Variants in LAMB4 observed in about 807,000 individuals in gnomAD.
The protein encoded by LAMB4 is laminin subunit beta 4.
In LAMB4, 196 loss-of-function variants were observed where a neutral mutation model predicts 199.2. The observed-to-expected ratio is 0.98, with a 90% CI of 0.88 to 1.11. LAMB4 has a LOEUF of 1.11. Ranked by LOEUF, LAMB4 falls within the 50% of genes least tolerant of loss-of-function variation. The probability of loss-of-function intolerance (pLI) is 0.00; values close to 1 mark genes in which losing one functional copy is unlikely to be tolerated. For missense variants in LAMB4, 2,080 were observed against 2,171.2 expected (o/e 0.96, Z 0.83); for synonymous variants, 744 against 770.6 (o/e 0.97, Z 0.57).
intron 11 of LAMB4, among the ~76,000 whole-genome samples, chr7:108,097,601 C>T (rs1039667833): frequency 2.0e-5 from 3 of 152,112 alleles, no homozygotes; most frequent in Admixed American, 6.5e-5. Flanking sequence ...TTGGCTAACA[C>T]GGTGAAACCC....
At chr7:108,096,663 G>A (rs1033647822) in intron 11 of LAMB4, among the ~76,000 whole-genome samples, 3 of 151,672 alleles carry the variant, frequency 2.0e-5, no homozygotes, top group African/African-American at 7.3e-5. Context: ...TGGGCACAGT[G>A]GCTTATGTCT....
rs375991219 is a variant in LAMB4 at position 108,055,871 on chromosome 7, A to T, written c.3516T>A (p.Cys1172Ter). 3.1e-6 allele frequency: 5 copies of T among 1,614,046 alleles called. No homozygotes were observed. Among genetic ancestry groups the T allele is most frequent in the Non-Finnish European group, 4.2e-6 (5 of 1,180,042 alleles). ...ARGHSQEFPTCLQCHLCFDQW... is the reference protein window; with the variant it reads ...ARGHSQEFPT The stretch of plus-strand genomic sequence containing the variant: ...GATCAAAGCACAAGTGACATTGAAG[A>T]CAAGTAGGGAATTCCTGGCTGTGTC... Residue 1172 changes from cysteine (C) to a stop codon, truncating the protein, a stop_gained, in exon 25 of 34, where the codon TGT (cysteine) becomes TGA (stop). Coordinates refer to ENST00000388781, the MANE Select transcript of LAMB4 (RefSeq NM_007356.3). LOFTEE classifies it high-confidence loss of function.
chr7:108,038,506 T>C (rs1484848007), intron 29 of LAMB4, among the ~76,000 whole-genome samples: 1 of 152,168 alleles, frequency 6.6e-6, no homozygotes, highest in Non-Finnish European at 1.5e-5. Flanking sequence ...GAAAAGTAAA[T>C]TTGGCCCCTA....
At chr7:108,071,366 T>C (rs1182445685) in intron 17 of LAMB4, among the ~76,000 whole-genome samples, 3 of 152,144 alleles carry the variant, frequency 2.0e-5, no homozygotes, top group African/African-American at 7.2e-5. Context: ...ACTCCACACC[T>C]ACTTCCTAGG....
chr7:108,046,890 C>G (rs897792158), intron 28 of LAMB4, among the ~76,000 whole-genome samples: 1 of 150,916 alleles, frequency 6.6e-6, no homozygotes, highest in Non-Finnish European at 1.5e-5. Context: ...AGTTTTCAAC[C>G]CTTTTAAAAA....
rs1212093899 is a variant in LAMB4 at position 108,116,001 on chromosome 7, C to T, written c.192+3G>A. 2 of 1,608,566 alleles carry T rather than the reference C, an allele frequency of 1.2e-6. No individual in the cohort carries two copies. The highest frequency in any genetic ancestry group is 2.2e-5 in the South Asian group (2 of 90,350). On this transcript the variant is annotated splice_donor_region_variant and intron_variant, in intron 3 of 33. Transcript: ENST00000388781. ...CCAGCAAATAAACAAAGAGCCAACC[C>T]ACCTCCAGGTAACTGAGGATGCAGT...
At chr7:108,027,244 T>TA (rs71137603) in intron 33 of LAMB4, among the ~76,000 whole-genome samples, 5,997 of 150,318 alleles carry the variant, frequency 0.04, 191 homozygotes, top group Admixed American at 0.068. Flanking sequence ...AATGCAAGAT[T>TA]AAAAAAAAAA....
chr7:108,066,251 A>G (rs1055834174), intron 20 of LAMB4, 118 bp downstream of exon 20: 11 of 769,728 alleles, frequency 1.4e-5, no homozygotes, highest in Non-Finnish European at 1.9e-5. Flanking sequence ...TCCCCGACCT[A>G]TAACAGTCCT....
chr7:108,012,313 A>G, the LAMB4 span, among the ~76,000 whole-genome samples: 2 of 152,232 alleles, frequency 1.3e-5, no homozygotes, highest in African/African-American at 4.8e-5. Flanking sequence ...AGCAAATGAT[A>G]ACAGGAGGTA....
At chr7:108,024,488 A>G (rs1563023865) in intron 33 of LAMB4, among the ~76,000 whole-genome samples, 2 of 152,350 alleles carry the variant, frequency 1.3e-5, no homozygotes, top group South Asian at 2.1e-4. Flanking sequence ...CTGAAGTGCT[A>G]TATTTCCAAA....
intron 23 of LAMB4, among the ~76,000 whole-genome samples, chr7:108,060,693 C>A (rs1351904071): frequency 6.6e-6 from 1 of 152,130 alleles, no homozygotes; most frequent in Admixed American, 6.5e-5. Context: ...ATTTGAACCA[C>A]AAAATAAAGT....
chr7:108,020,657 ACCT>A (rs963913160), downstream of LAMB4, among the ~76,000 whole-genome samples: 2 of 152,056 alleles, frequency 1.3e-5, no homozygotes, highest in African/African-American at 4.8e-5. Flanking sequence ...AGCTGATGGA[ACCT>A]CCTATAGGCA....
chr7:108,039,353 T>G, intron 29 of LAMB4, among the ~76,000 whole-genome samples: 1 of 152,240 alleles, frequency 6.6e-6, no homozygotes, highest in South Asian at 2.1e-4. Flanking sequence ...AAATGAAATA[T>G]TTTACTTTCT....
At chr7:108,025,015 C>T (rs1732154) in intron 33 of LAMB4, among the ~76,000 whole-genome samples, 30,761 of 152,126 alleles carry the variant, frequency 0.2, 7,247 homozygotes, top group African/African-American at 0.58. Flanking sequence ...ACCTGAATAC[C>T]GAGTTGGTTT....
In LAMB4 at chr7:108,091,823, G is replaced by A. The variant is rs146808122; in HGVS notation, c.1551-47C>T. 4.3e-5 allele frequency: 68 copies of A among 1,595,422 alleles called. No homozygotes were observed. The South Asian group carries it at 5.2e-4, about 12-fold the overall frequency. ...ATGAAAAAATGCAAAGTAGGTGAGC[G>A]GAAAATGAAGGTGTAGGGGTGCTGG... On this transcript the variant is annotated intron_variant, in intron 13 of 33. Coordinates refer to ENST00000388781, the MANE Select transcript of LAMB4 (RefSeq NM_007356.3).
At chr7:108,111,373 A>G (rs905198558) in intron 4 of LAMB4, among the ~76,000 whole-genome samples, 3 of 152,332 alleles carry the variant, frequency 2.0e-5, no homozygotes, top group Middle Eastern at 3.4e-3. Flanking sequence ...GTAAGAAGCA[A>G]AATGTTCTTT....
intron 12 of LAMB4, among the ~76,000 whole-genome samples, chr7:108,093,943 T>C (rs2037503416): frequency 6.6e-6 from 1 of 152,212 alleles, no homozygotes; most frequent in South Asian, 2.1e-4. Flanking sequence ...AAAAATGATG[T>C]GATAGGAACT....
chr7:108,089,023 T>G lies in LAMB4; in HGVS notation c.1701+2603A>C, dbSNP rs912736526. On this transcript the variant is annotated intron_variant, in intron 14 of 33. Coordinates refer to ENST00000388781, the MANE Select transcript of LAMB4 (RefSeq NM_007356.3). The stretch of plus-strand genomic sequence containing the variant: ...CAGGCCATACAGGGGTTTGAGGCCC[T>G]TTGTTTTGGGTTAAATGAAGGTTGC... Among the ~76,000 whole-genome samples the G allele has an allele frequency of 3.9e-5, 6 of 152,272 alleles. No homozygotes were observed. In the East Asian group the frequency reaches 5.8e-4, roughly 15 times the overall value.
Position 108,116,121 on chromosome 7 carries a change from C to G in LAMB4, c.75G>C (p.Arg25Ser). The G allele has an allele frequency of 6.2e-7, 1 of 1,613,948 alleles. No homozygotes were observed. The highest frequency in any genetic ancestry group is 8.5e-7 in the Non-Finnish European group (1 of 1,179,904). Residue 25 changes from arginine to serine, a missense_variant, in exon 3 of 34, where the codon AGG (arginine) becomes AGC (serine). Transcript: ENST00000388781. ...CACCAGTGGTGGGATGACAGGCACCCCTGTTGCAGTCATCTTGAGCTTTTG... is the reference window on the plus strand; with the variant it reads ...CACCAGTGGTGGGATGACAGGCACCGCTGTTGCAGTCATCTTGAGCTTTTG... ...SYSKAQDDCN[R>S]GACHPTTGDL...
Sources: allele counts gnomAD v4.1 joint callset (sites outside exome capture counted in the v4.1 genomes callset), GRCh38; gene constraint gnomAD v4.1.1; transcripts MANE v1.5; gene names NCBI Gene and HGNC (gene_info 2026-07-23, HGNC 2026-07-21).